ATXN2: variants seen among roughly 807,000 people sequenced by gnomAD.
ATXN2 encodes the protein ataxin-2.
A neutral mutation model predicts 138.6 loss-of-function variants in ATXN2; 37 were observed. The ratio of observed to expected loss-of-function variants is 0.27; its 90% CI spans 0.21 to 0.35. The LOEUF (loss-of-function observed/expected upper bound fraction) is 0.35. Among genes scored for constraint, ATXN2 ranks in the 10% least tolerant of loss-of-function variants. The pLI is 1.00. For missense variants in ATXN2, 1,216 were observed against 1,480.3 expected, an observed-to-expected ratio of 0.82 and a Z score of 2.93; for synonymous variants, 549 against 543.7, an observed-to-expected ratio of 1.01 and a Z score of -0.13.
intron 1 of ATXN2, among the ~76,000 whole-genome samples, chr12:111,586,946 T>C (rs1202584338): frequency 1.3e-5 from 2 of 151,986 alleles, no homozygotes; most frequent in Admixed American, 6.6e-5. Context: ...GATAGAATCA[T>C]GTGTAAAGTA....
At chr12:111,588,448 C>A (rs1884454786) in intron 1 of ATXN2, among the ~76,000 whole-genome samples, 1 of 151,928 alleles carries the variant, frequency 6.6e-6, no homozygotes, top group South Asian at 2.1e-4. Flanking sequence ...TATGGTGAAA[C>A]CCCATCTCTA....
At chr12:111,548,159 C>G (rs908994744) in intron 5 of ATXN2, among the ~76,000 whole-genome samples, 13 of 151,732 alleles carry the variant, frequency 8.6e-5, no homozygotes, top group African/African-American at 2.7e-4. Flanking sequence ...CGCCACTGTA[C>G]CCAGCCTGGG....
At chr12:111,493,135 C>A (rs554836385) in intron 14 of ATXN2, among the ~76,000 whole-genome samples, 134 of 151,946 alleles carry the variant, frequency 8.8e-4, no homozygotes, top group African/African-American at 3.2e-3. Context: ...AATAAACAAC[C>A]AAGTTGGGCA....
At chr12:111,504,531 C>A (rs1433576988) in intron 14 of ATXN2, among the ~76,000 whole-genome samples, 2 of 152,174 alleles carry the variant, frequency 1.3e-5, no homozygotes, top group Admixed American at 6.5e-5. Flanking sequence ...CTCATGTGAT[C>A]TGCCTGCTTG....
In ATXN2 at chr12:111,462,918, A is replaced by G. The variant is rs570352373; in HGVS notation, c.2896+1744T>C. Among the ~76,000 whole-genome samples the G allele has an allele frequency of 6.6e-5, 10 of 152,068 alleles. No individual in the cohort carries two copies. In the South Asian group the frequency reaches 2.1e-3, roughly 32 times the overall value. On this transcript the variant is annotated intron_variant, in intron 21 of 24. Transcript: ENST00000673436. ...TTAAAGAGCATCTATTAAAGGATTA[A>G]ATTTAACATTTCCTAGCACCAAATA...
intron 1 of ATXN2, among the ~76,000 whole-genome samples, chr12:111,575,658 C>T (rs1883597858): frequency 6.6e-6 from 1 of 152,102 alleles, no homozygotes; most frequent in Admixed American, 6.6e-5. Flanking sequence ...CTGGCTTATT[C>T]ACTACTGTAT....
In ATXN2 at chr12:111,599,145, C is replaced by T. The variant is rs1270920236; in HGVS notation, c.-111G>A. The stretch of plus-strand genomic sequence containing the variant: ...GACGCGCGGGCGCCGAGCGGGGAGG[C>T]GCGGGTTGGCGCGGCCGGAGGGGCG... On this transcript the variant is annotated 5_prime_UTR_variant, in exon 1 of 25. Transcript: ENST00000673436. 3 of 1,211,306 alleles carry T rather than the reference C, an allele frequency of 2.5e-6. No homozygotes were observed. Among genetic ancestry groups the T allele is most frequent in the Non-Finnish European group, 3.1e-6 (3 of 975,788 alleles). The allele number at this position is 1,211,306 out of a possible 1,614,324, so 75.0% of individuals were successfully genotyped here.
chr12:111,466,088 C>T (rs1370606207), intron 20 of ATXN2, among the ~76,000 whole-genome samples: 3 of 151,582 alleles, frequency 2.0e-5, no homozygotes, highest in African/African-American at 7.3e-5. Context: ...ACTGCTTGAA[C>T]CCAGGAGGCG....
chr12:111,581,667 A>G, intron 1 of ATXN2: 1 of 718,148 alleles, frequency 1.4e-6, no homozygotes, highest in Non-Finnish European at 2.6e-6. Flanking sequence ...ATCAGGGCCC[A>G]GGCCTATGCC....
chr12:111,595,952 C>G (rs1034525848), intron 1 of ATXN2, among the ~76,000 whole-genome samples: 1 of 151,858 alleles, frequency 6.6e-6, no homozygotes, highest in Non-Finnish European at 1.5e-5. Flanking sequence ...AATCCCAGCA[C>G]TTTGGGAGGC....
intron 1 of ATXN2, among the ~76,000 whole-genome samples, chr12:111,583,672 C>T (rs1447738350): frequency 1.4e-5 from 2 of 140,870 alleles, no homozygotes; most frequent in Admixed American, 1.6e-4. Context: ...GAGGCTGAGG[C>T]AGGAGAATCA....
rs778730178 is a variant in ATXN2 at position 111,555,886 on chromosome 12, A to T, written c.285T>A (p.Ser95=). The T allele has an allele frequency of 1.7e-5, 27 of 1,603,086 alleles. No individual in the cohort carries two copies. The highest frequency in any genetic ancestry group is 2.2e-5 in the Non-Finnish European group (26 of 1,175,508). Residue 95 remains serine, a synonymous_variant, in exon 2 of 25, where the codon TCT becomes TCA. Coordinates refer to ENST00000673436, the MANE Select transcript of ATXN2 (RefSeq NM_001372574.1). ...GRNSNKGLPQ[S]TISFDGIYAN... is the part of the protein sequence containing the mutation. ...AAGTAACATTAAAGTTACTCACCGT[A>T]GACTGAGGCAGTCCTTTGTTACTGT...
At chr12:111,554,592 T>C (rs1310657916) in intron 2 of ATXN2, among the ~76,000 whole-genome samples, 1 of 152,150 alleles carries the variant, frequency 6.6e-6, no homozygotes, top group Non-Finnish European at 1.5e-5. Flanking sequence ...AACCAACTAA[T>C]GGTGTTTTGA....
chr12:111,475,348 A>C (rs1481503317), intron 18 of ATXN2, among the ~76,000 whole-genome samples: 3 of 149,416 alleles, frequency 2.0e-5, no homozygotes, highest in Non-Finnish European at 4.4e-5. Context: ...CCATCTCAAA[A>C]AAAAAAAAAA....
chr12:111,490,085 A>G (rs766577884), intron 14 of ATXN2, among the ~76,000 whole-genome samples: 11 of 151,706 alleles, frequency 7.3e-5, no homozygotes, highest in Non-Finnish European at 1.3e-4. Flanking sequence ...GCACACGTGT[A>G]AATCCCAGCT....
intron 18 of ATXN2, among the ~76,000 whole-genome samples, chr12:111,484,011 C>T (rs1314717353): frequency 1.3e-5 from 2 of 151,452 alleles, no homozygotes; most frequent in Admixed American, 6.6e-5. Flanking sequence ...GGTCTTAAAA[C>T]TCCCGGTCAT....
At chr12:111,527,702 G>A (rs763333395) in intron 5 of ATXN2, among the ~76,000 whole-genome samples, 6 of 152,166 alleles carry the variant, frequency 3.9e-5, no homozygotes, top group Admixed American at 6.5e-5. Context: ...TCAGCTGGGG[G>A]TGGAATGGAG....
chr12:111,588,406 T>C (rs750805713), intron 1 of ATXN2, among the ~76,000 whole-genome samples: 1 of 152,046 alleles, frequency 6.6e-6, no homozygotes, highest in Non-Finnish European at 1.5e-5. Flanking sequence ...GTGGATCACT[T>C]GAGGCCAGAA....
At chr12:111,596,892 T>C (rs1884965049) in intron 1 of ATXN2, among the ~76,000 whole-genome samples, 1 of 152,230 alleles carries the variant, frequency 6.6e-6, no homozygotes, top group Non-Finnish European at 1.5e-5. Flanking sequence ...TTAAGCCTAG[T>C]AGTCAATGCA....
Sources: gnomAD v4.1 joint callset for allele counts (sites outside exome capture counted in the v4.1 genomes callset) on GRCh38, gnomAD v4.1.1 for gene constraint, MANE v1.5 for transcripts, NCBI Gene and HGNC (gene_info 2026-07-23, HGNC 2026-07-21) for gene names.